The following LHFPL2 variants were observed in gnomAD, a reference collection of about 807,000 sequenced individuals.
LHFPL2 encodes LHFPL tetraspan subfamily member 2 protein.
LHFPL2 carries 7 observed loss-of-function variants against 17.5 expected under a neutral mutation model. That is an observed-to-expected ratio of 0.40 (90% confidence interval 0.23 to 0.75). The LOEUF is 0.75. LHFPL2 is among the 30% of genes least tolerant of loss of function. The probability of loss-of-function intolerance (pLI) is 0.37; values close to 1 mark genes in which losing one functional copy is unlikely to be tolerated. For missense variants in LHFPL2, 241 were observed against 294.8 expected, an observed-to-expected ratio of 0.82 and a Z score of 1.34; for synonymous variants, 134 against 116.2, an observed-to-expected ratio of 1.15 and a Z score of -0.99.
chr5:78,581,133 A>C (rs1743116932), intron 2 of LHFPL2, among the ~76,000 whole-genome samples: 1 of 152,118 alleles, frequency 6.6e-6, no homozygotes, highest in African/African-American at 2.4e-5. Flanking sequence ...TTCACTCATG[A>C]TTTGGCTCTC....
chr5:78,544,041 G>A (rs751918691), intron 3 of LHFPL2, among the ~76,000 whole-genome samples: 1 of 152,162 alleles, frequency 6.6e-6, no homozygotes, highest in Non-Finnish European at 1.5e-5. Flanking sequence ...CTAGTGAAGG[G>A]CACTGAGGGA....
intron 2 of LHFPL2, among the ~76,000 whole-genome samples, chr5:78,586,182 C>G (rs2112453288): frequency 6.6e-6 from 1 of 152,310 alleles, no homozygotes; most frequent in South Asian, 2.1e-4. Context: ...TTTCCTCTCT[C>G]TTCCCTCGGG....
intron 3 of LHFPL2, among the ~76,000 whole-genome samples, chr5:78,545,711 G>A (rs1396602911): frequency 6.6e-6 from 1 of 152,190 alleles, no homozygotes; most frequent in Non-Finnish European, 1.5e-5. Context: ...ACAAACCTAA[G>A]TGCCTGTTAA....
At chr5:78,508,224 T>C (rs1374850555) in intron 4 of LHFPL2, among the ~76,000 whole-genome samples, 1 of 152,174 alleles carries the variant, frequency 6.6e-6, no homozygotes, top group Non-Finnish European at 1.5e-5. Context: ...AGGAGAACAC[T>C]GAGACCCGGG....
chr5:78,541,202 G>C (rs538000479), intron 3 of LHFPL2, among the ~76,000 whole-genome samples: 13 of 152,228 alleles, frequency 8.5e-5, no homozygotes, highest in Admixed American at 6.5e-4. Context: ...CCTCCGCCTT[G>C]AAAGAAGTCT....
chr5:78,626,725 G>A (rs1471198381), intron 2 of LHFPL2: 1 of 152,184 alleles, frequency 6.6e-6, no homozygotes, highest in Non-Finnish European at 1.5e-5. Flanking sequence ...ACTTAACAGT[G>A]GGTAGGGTCT....
chr5:78,578,262 C>T (rs956434226), intron 2 of LHFPL2, among the ~76,000 whole-genome samples: 1 of 152,112 alleles, frequency 6.6e-6, no homozygotes, highest in Non-Finnish European at 1.5e-5. Context: ...ACAAGATGCT[C>T]ATCACAGGAA....
intron 3 of LHFPL2, among the ~76,000 whole-genome samples, chr5:78,533,088 C>T (rs983406784): frequency 6.6e-5 from 10 of 152,174 alleles, no homozygotes; most frequent in Non-Finnish European, 1.3e-4. Flanking sequence ...TAGACCAAAC[C>T]CTCTGCCTCC....
chr5:78,621,080 AT>A (rs1311175032), intron 2 of LHFPL2, among the ~76,000 whole-genome samples: 1 of 151,382 alleles, frequency 6.6e-6, no homozygotes, highest in Admixed American at 6.6e-5. Flanking sequence ...CATCATTCTC[AT>A]TATGACACCA....
At chr5:78,633,229 A>G (rs1216762431) in intron 1 of LHFPL2, among the ~76,000 whole-genome samples, 1 of 152,204 alleles carries the variant, frequency 6.6e-6, no homozygotes, top group Non-Finnish European at 1.5e-5. Flanking sequence ...GACAACCCTC[A>G]TGGTCAGAAG....
At chr5:78,635,468 G>C (rs905461095) in intron 1 of LHFPL2, among the ~76,000 whole-genome samples, 4 of 152,210 alleles carry the variant, frequency 2.6e-5, no homozygotes, top group African/African-American at 9.6e-5. Flanking sequence ...CATTTTCCAA[G>C]TCTTGGATTT....
intron 2 of LHFPL2, among the ~76,000 whole-genome samples, chr5:78,605,567 C>T (rs1580851231): frequency 1.3e-5 from 2 of 152,166 alleles, no homozygotes; most frequent in African/African-American, 4.8e-5. Flanking sequence ...ATAGAATGTA[C>T]ACAGGTCACC....
At chr5:78,608,633 C>T (rs558583987) in intron 2 of LHFPL2, among the ~76,000 whole-genome samples, 52 of 150,052 alleles carry the variant, frequency 3.5e-4, no homozygotes, top group African/African-American at 1.2e-3. Context: ...TATTTAGTGA[C>T]TTAAAATACA....
intron 2 of LHFPL2, among the ~76,000 whole-genome samples, chr5:78,587,013 T>C (rs1743434936): frequency 6.6e-6 from 1 of 152,242 alleles, no homozygotes; most frequent in African/African-American, 2.4e-5. Flanking sequence ...TTCAGTAGCA[T>C]ACAACTGTTA....
At chr5:78,582,348 T>C (rs1437796960) in intron 2 of LHFPL2, among the ~76,000 whole-genome samples, 2 of 151,016 alleles carry the variant, frequency 1.3e-5, no homozygotes, top group Admixed American at 1.3e-4. Flanking sequence ...TGTTTGCTCT[T>C]GCTTTTCTAG....
chr5:78,546,333 G>A (rs958262027), intron 3 of LHFPL2, among the ~76,000 whole-genome samples: 2 of 152,176 alleles, frequency 1.3e-5, no homozygotes, highest in Admixed American at 6.5e-5. Context: ...CCGTTCTGAG[G>A]CACTCCACTC....
At chr5:78,609,328 G>A (rs1456507228) in intron 2 of LHFPL2, among the ~76,000 whole-genome samples, 2 of 151,796 alleles carry the variant, frequency 1.3e-5, no homozygotes, top group Admixed American at 1.3e-4. Context: ...GCACAGGCCT[G>A]TAATCCCAGC....
chr5:78,623,780 G>C (rs1188697868), intron 2 of LHFPL2, among the ~76,000 whole-genome samples: 1 of 152,124 alleles, frequency 6.6e-6, no homozygotes, highest in Non-Finnish European at 1.5e-5. Flanking sequence ...TTCTTAATTT[G>C]TTTCTAATTT....
intron 3 of LHFPL2, among the ~76,000 whole-genome samples, chr5:78,561,136 A>T (rs1756714444): frequency 6.6e-6 from 1 of 152,242 alleles, no homozygotes; most frequent in South Asian, 2.1e-4. Flanking sequence ...AAGGCTCAAA[A>T]TTTCCATCAG....
Sources: gnomAD v4.1 joint callset for allele counts (sites outside exome capture counted in the v4.1 genomes callset) on GRCh38, gnomAD v4.1.1 for gene constraint, MANE v1.5 for transcripts, NCBI Gene and HGNC (gene_info 2026-07-23, HGNC 2026-07-21) for gene names.